Variants in EHD2 observed in about 807,000 individuals in gnomAD.
EHD2 encodes EH domain containing 2, also known as EH domain-containing protein 2.
Under a neutral mutation model 41.0 loss-of-function variants are expected in EHD2, and 27 were observed. The ratio of observed to expected loss-of-function variants is 0.66; its 90% CI spans 0.49 to 0.91. The LOEUF (loss-of-function observed/expected upper bound fraction) is 0.91. EHD2 is among the 40% of genes least tolerant of loss of function. The probability of loss-of-function intolerance (pLI) is 0.00; values close to 1 mark genes in which losing one functional copy is unlikely to be tolerated. For missense variants in EHD2, 673 were observed against 773.9 expected, an observed-to-expected ratio of 0.87 and a Z score of 1.55; for synonymous variants, 342 against 341.0, an observed-to-expected ratio of 1.00 and a Z score of -0.03.
chr19:47,713,979 G>A (rs569325449), intron 1 of EHD2, among the ~76,000 whole-genome samples: 1 of 151,948 alleles, frequency 6.6e-6, no homozygotes, highest in African/African-American at 2.4e-5. Context: ...TCCCTGCCTG[G>A]GACACCGCCC....
intron 3 of EHD2, among the ~76,000 whole-genome samples, chr19:47,720,400 A>G (rs1025332226): frequency 3.3e-5 from 5 of 151,708 alleles, no homozygotes; most frequent in African/African-American, 1.2e-4. Context: ...CGAACTCCTG[A>G]CCTCAGGTGA....
chr19:47,736,529 T>C lies in EHD2; in HGVS notation c.1076T>C (p.Met359Thr). The C allele has an allele frequency of 1.3e-6, 2 of 1,587,012 alleles. No homozygotes were observed. Among genetic ancestry groups the C allele is most frequent in the South Asian group, 2.3e-5 (2 of 87,146 alleles). Residue 359 changes from methionine to threonine, a missense_variant, in exon 5 of 6, where the codon ATG becomes ACG. Transcript: ENST00000263277. ...GGGGACTTTCCTGATTGCCAGAAAA[T>C]GCAGGTGGGAAGCTGCCCAGGAGGG... ...SPGDFPDCQK[M>T]QELLMAHDFT...
intron 5 of EHD2, among the ~76,000 whole-genome samples, chr19:47,738,983 G>A (rs1253839988): frequency 6.6e-6 from 1 of 152,128 alleles, no homozygotes; most frequent in Non-Finnish European, 1.5e-5. Flanking sequence ...CTGATGATCT[G>A]ATCATCTCAA....
chr19:47,718,013 C>T (rs1446052310), intron 2 of EHD2, among the ~76,000 whole-genome samples: 1 of 151,248 alleles, frequency 6.6e-6, no homozygotes, highest in Non-Finnish European at 1.5e-5. Context: ...TGTCTCACGC[C>T]TGTAATCCCA....
At chr19:47,721,165 G>A (rs1973691787) in intron 3 of EHD2, among the ~76,000 whole-genome samples, 1 of 31,984 alleles carries the variant, frequency 3.1e-5, no homozygotes, top group South Asian at 5.9e-4. Context: ...GCTACTGGGG[G>A]TGTGTGTGTG....
intron 4 of EHD2, among the ~76,000 whole-genome samples, chr19:47,726,918 T>A (rs1973759576): frequency 6.6e-6 from 1 of 152,114 alleles, no homozygotes; most frequent in Non-Finnish European, 1.5e-5. Flanking sequence ...CCTCAAGTGA[T>A]CCTCCCCTTT....
chr19:47,741,441 C>A lies in EHD2; in HGVS notation c.*9C>A. 1.3e-6 allele frequency: 2 copies of A among 1,560,156 alleles called. No individual in the cohort carries two copies. The highest frequency in any genetic ancestry group is 2.4e-5 in the East Asian group (1 of 42,428). On this transcript the variant is annotated 3_prime_UTR_variant, in exon 6 of 6. Transcript: ENST00000263277. This position sits in a 1 kb window ranked among gnomAD's most constrained non-coding sequence, Gnocchi z 4.5. ...AGGGCTCCGCCGAGTGAGCCGGCCC[C>A]CCTCCCATGGCCCTGCTGTGGCTCC...
intron 3 of EHD2, among the ~76,000 whole-genome samples, chr19:47,722,302 C>A (rs1037746421): frequency 6.6e-6 from 1 of 152,072 alleles, no homozygotes; most frequent in African/African-American, 2.4e-5. Flanking sequence ...ACACACTTTC[C>A]GAATCTGGGC....
At position 47,733,751 on chromosome 19, in the gene EHD2, CAAAAAAAA is replaced by C. The variant is rs34254815; in HGVS notation, c.916-2601_916-2594del. On this transcript the variant is annotated intron_variant, in intron 4 of 5. Coordinates refer to ENST00000263277, the MANE Select transcript of EHD2 (RefSeq NM_014601.4). ...TGGGTGACAGAGCAAGACTCTGTCT[CAAAAAAAA>C]AAAAAAAAAAAAAAAATCCACTGTC... Among the ~76,000 whole-genome samples, 27 of 57,124 alleles carry C rather than the reference CAAAAAAAA, an allele frequency of 4.7e-4. No individual in the cohort carries two copies. The East Asian group carries it at 4.9e-3, about 10-fold the overall frequency. The allele number at this position is 57,124 out of a possible 152,430, so 37.5% of individuals were successfully genotyped here.
chr19:47,724,892 C>A (rs1973732791), intron 3 of EHD2, among the ~76,000 whole-genome samples: 1 of 135,534 alleles, frequency 7.4e-6, no homozygotes, highest in Non-Finnish European at 1.5e-5. Flanking sequence ...AGGAGAATTG[C>A]TTGAACCTGG....
chr19:47,734,192 G>A (rs1338377003), intron 4 of EHD2, among the ~76,000 whole-genome samples: 1 of 152,078 alleles, frequency 6.6e-6, no homozygotes. Flanking sequence ...GGGAGAGGCT[G>A]GGCGTAGTAG....
intron 2 of EHD2, 124 bp from the exon 3 acceptor site, chr19:47,718,385 G>A (rs781399256): frequency 2.3e-4 from 175 of 749,254 alleles, no homozygotes; most frequent in Non-Finnish European, 3.4e-4. Flanking sequence ...TTTTCTGTCC[G>A]GTGTCTTTCT....
chr19:47,724,507 C>T (rs576560579), intron 3 of EHD2, among the ~76,000 whole-genome samples: 3 of 152,146 alleles, frequency 2.0e-5, no homozygotes, highest in Non-Finnish European at 4.4e-5. Flanking sequence ...GGGTCTCAAT[C>T]GCTTCTCTCT....
At chr19:47,714,519 G>T (rs908484944) in intron 1 of EHD2, among the ~76,000 whole-genome samples, 6 of 152,100 alleles carry the variant, frequency 3.9e-5, no homozygotes, top group African/African-American at 1.2e-4. Context: ...GTGAATAAAA[G>T]GCTAGTAAGG....
chr19:47,733,628 C>T (rs1191355771), intron 4 of EHD2, among the ~76,000 whole-genome samples: 1 of 150,912 alleles, frequency 6.6e-6, no homozygotes, highest in Non-Finnish European at 1.5e-5. Context: ...GATTGAGCCA[C>T]TGCACTCCAG....
intron 3 of EHD2, among the ~76,000 whole-genome samples, chr19:47,721,891 A>G (rs1371740818): frequency 6.6e-6 from 1 of 151,944 alleles, no homozygotes; most frequent in African/African-American, 2.4e-5. Context: ...AGGCTGAGGC[A>G]GAAGAATTGC....
chr19:47,729,153 C>G (rs1973782799), intron 4 of EHD2, among the ~76,000 whole-genome samples: 1 of 152,090 alleles, frequency 6.6e-6, no homozygotes, highest in African/African-American at 2.4e-5. Flanking sequence ...CCCCAGGCAC[C>G]GATGACCCAG....
intron 5 of EHD2, among the ~76,000 whole-genome samples, chr19:47,739,853 C>G (rs1314142312): frequency 2.0e-5 from 3 of 151,738 alleles, no homozygotes; most frequent in Non-Finnish European, 2.9e-5. Context: ...TCTGAGAAAG[C>G]TATACTTGAT....
rs1973636433 is a variant in EHD2, at chr19:47,717,009, C to T, written c.397C>T (p.Leu133Phe). 4 of 1,599,898 alleles carry T rather than the reference C, an allele frequency of 2.5e-6. No homozygotes were observed. Among genetic ancestry groups the T allele is most frequent in the African/African-American group, 2.7e-5 (2 of 74,928 alleles). ...RKLNPFGNTF[L>F]NRFMCAQLPN... The stretch of plus-strand genomic sequence containing the variant: ...ACTCAACCCTTTCGGAAACACCTTC[C>T]TCAACAGGTGTGCCAGCCGCGAGCC... The change falls in exon 2 of 6, where the codon CTC (leucine) becomes TTC (phenylalanine). Residue 133 changes from leucine (L) to phenylalanine (F), a missense_variant. Coordinates refer to ENST00000263277, the MANE Select transcript of EHD2 (RefSeq NM_014601.4).
Sources: allele counts gnomAD v4.1 joint callset (sites outside exome capture counted in the v4.1 genomes callset), GRCh38; gene constraint gnomAD v4.1.1; non-coding constraint Gnocchi (gnomAD v3.1); transcripts MANE v1.5; gene names NCBI Gene and HGNC (gene_info 2026-07-23, HGNC 2026-07-21).